The following VSTM2A variants were observed in gnomAD, a reference collection of about 807,000 sequenced individuals.
VSTM2A encodes the protein V-set and transmembrane domain-containing protein 2A.
VSTM2A carries 13 observed loss-of-function variants against 27.3 expected under a neutral mutation model. That is an observed-to-expected ratio of 0.48 (90% CI 0.31 to 0.76). The LOEUF is 0.76. Ranked by LOEUF, VSTM2A falls within the 30% of genes least tolerant of loss-of-function variation. The probability of loss-of-function intolerance (pLI) is 0.05; values close to 1 mark genes in which losing one functional copy is unlikely to be tolerated. For synonymous variants in VSTM2A, 142 were observed against 125.7 expected (o/e 1.13, Z -0.87); for missense variants, 280 against 310.0 (o/e 0.90, Z 0.73).
chr7:54,543,908 T>C (rs1485083736), intron 1 of VSTM2A, among the ~76,000 whole-genome samples: 2 of 152,192 alleles, frequency 1.3e-5, no homozygotes, highest in Non-Finnish European at 2.9e-5. Flanking sequence ...AGTGTCAAGG[T>C]TGGTAATGAA....
Position 54,544,776 on chromosome 7 carries a change from G to A in VSTM2A, c.234G>A (p.Gly78=). ...GPEDLDPGAE[G]AGAQVELLPD... ...AGGACCTGGATCCCGGGGCCGAGGGGGCCGGCGCGCAGGTAGCGGAGCCCG... is the reference window on the plus strand; with the variant it reads ...AGGACCTGGATCCCGGGGCCGAGGGAGCCGGCGCGCAGGTAGCGGAGCCCG... The change falls in exon 2 of 5, where the codon GGG becomes GGA. Residue 78 remains glycine, a synonymous_variant. Coordinates refer to ENST00000402613, the MANE Select transcript of VSTM2A (RefSeq NM_001301009.2). 7 of 1,607,936 alleles carry A rather than the reference G, an allele frequency of 4.4e-6. No homozygotes were observed. The highest frequency in any genetic ancestry group is 5.9e-6 in the Non-Finnish European group (7 of 1,177,664).
chr7:54,567,751 A>C (rs1315241634), intron 4 of VSTM2A, among the ~76,000 whole-genome samples: 1 of 150,308 alleles, frequency 6.7e-6, no homozygotes, highest in African/African-American at 2.5e-5. Flanking sequence ...GCATTTAATA[A>C]TTTATTTTTC....
At chr7:54,565,911 C>T (rs898821457) in intron 4 of VSTM2A, among the ~76,000 whole-genome samples, 2 of 152,122 alleles carry the variant, frequency 1.3e-5, no homozygotes, top group Non-Finnish European at 2.9e-5. Flanking sequence ...CCTGATGCAT[C>T]TCTGGGGAGG....
At chr7:54,564,428 C>T (rs1054066240) in intron 4 of VSTM2A, among the ~76,000 whole-genome samples, 16 of 152,210 alleles carry the variant, frequency 1.1e-4, no homozygotes, top group African/African-American at 3.9e-4. Context: ...CCTGAAAATG[C>T]TGAATGTGCC....
In VSTM2A at chr7:54,571,049, A is replaced by G. The variant is rs1788877788; in HGVS notation, c.*1830A>G. ...TTTCAGTTTAATGAGAAAAATTAAT[A>G]AAGGTTTTGATTGCACTATTTTATT... On this transcript the variant is annotated 3_prime_UTR_variant, in exon 5 of 5. Coordinates refer to ENST00000402613, the MANE Select transcript of VSTM2A (RefSeq NM_001301009.2). The G allele has an allele frequency of 6.6e-6, 1 of 152,174 alleles. No individual in the cohort carries two copies. The allele number at this position is 152,174 out of a possible 1,614,324, so 9.4% of individuals were successfully genotyped here. A position where few individuals can be genotyped will look rare whatever the true frequency, so the allele number is the denominator to read the frequency against.
In VSTM2A at chr7:54,542,791, C is replaced by A. The variant is rs1787826173; in HGVS notation, c.61C>A (p.Gln21Lys). The A allele has an allele frequency of 6.2e-7, 1 of 1,613,784 alleles. No individual in the cohort carries two copies. Among genetic ancestry groups the A allele is most frequent in the Non-Finnish European group, 8.5e-7 (1 of 1,179,770 alleles). Residue 21 changes from glutamine (Q) to lysine (K), a missense_variant, in exon 1 of 5, where the codon CAA becomes AAA. By Grantham distance (53) the Gln-to-Lys change is moderately conservative. Coordinates refer to ENST00000402613, the MANE Select transcript of VSTM2A (RefSeq NM_001301009.2). ...TTTCTTTTCCGTTTTATATGTACAA[C>A]AAGGGCTTTCTTCTCAAGGTAAGTC... ...FVFFSVLYVQQGLSSQAKFTE... is the reference protein window; with the variant it reads ...FVFFSVLYVQKGLSSQAKFTE...
intron 2 of VSTM2A, among the ~76,000 whole-genome samples, chr7:54,546,005 G>A (rs1470747207): frequency 2.9e-5 from 3 of 105,172 alleles, no homozygotes; most frequent in Admixed American, 2.0e-4. Flanking sequence ...GGGAAGGGGG[G>A]AGGAAGAGAA....
chr7:54,566,823 G>A (rs924065192), intron 4 of VSTM2A, among the ~76,000 whole-genome samples: 2 of 152,312 alleles, frequency 1.3e-5, no homozygotes, highest in Non-Finnish European at 2.9e-5. Context: ...CTGGCTCTGC[G>A]TGTCTCACAA....
In VSTM2A at chr7:54,544,627, T is replaced by C. The variant is rs1296780576; in HGVS notation, c.85T>C (p.Phe29Leu). The C allele has an allele frequency of 6.2e-7, 1 of 1,612,692 alleles. No individual in the cohort carries two copies. Among genetic ancestry groups the C allele is most frequent in the African/African-American group, 1.3e-5 (1 of 74,886 alleles). The change falls in exon 2 of 5, where the codon TTT becomes CTT. Residue 29 changes from phenylalanine (F) to leucine (L), a missense_variant. Physicochemically the swap from Phe to Leu is conservative, Grantham distance 22. Transcript: ENST00000402613. ...GATGCCTTTCTGTTTTGCAGCAAAA[T>C]TTACCGAGTTTCCGCGGAACGTGAC... is the stretch of plus-strand genomic sequence containing the variant. ...VQQGLSSQAK[F>L]TEFPRNVTAT...
chr7:54,556,381 G>T (rs1161427229), intron 4 of VSTM2A, among the ~76,000 whole-genome samples: 1 of 152,214 alleles, frequency 6.6e-6, no homozygotes, highest in Non-Finnish European at 1.5e-5. Context: ...GCCAAGAGTG[G>T]CCACTTTCAG....
rs887198633 is a variant in VSTM2A, at chr7:54,570,231, ACTGT to A, written c.*1016_*1019del. ...AGTCTCTTGACTGTGAAGAATGTAC[ACTGT>A]CTGGTTTTGACAGCTATTTCTGTAT... On this transcript the variant is annotated 3_prime_UTR_variant, in exon 5 of 5. Coordinates refer to ENST00000402613, the MANE Select transcript of VSTM2A (RefSeq NM_001301009.2). The A allele has an allele frequency of 7.9e-5, 12 of 152,174 alleles. No homozygotes were observed. The highest frequency in any genetic ancestry group is 2.9e-4 in the African/African-American group (12 of 41,454). 9.4% of individuals were successfully genotyped at this position (152,174 alleles called of 1,614,324 possible).
At chr7:54,552,916 C>T (rs1788237571) in intron 4 of VSTM2A, among the ~76,000 whole-genome samples, 1 of 152,176 alleles carries the variant, frequency 6.6e-6, no homozygotes, top group Non-Finnish European at 1.5e-5. Flanking sequence ...ACTTAGTTGA[C>T]TAAATTATTT....
rs763349086 is a variant in VSTM2A, at chr7:54,569,143, C to T, written c.647C>T (p.Ser216Leu). 52 of 1,559,692 alleles carry T rather than the reference C, an allele frequency of 3.3e-5. No homozygotes were observed. The highest frequency in any genetic ancestry group is 3.6e-5 in the Non-Finnish European group (41 of 1,150,660). Residue 216 changes from serine (S) to leucine (L), a missense_variant, in exon 5 of 5, where the codon TCG becomes TTG. Physicochemically the swap from Ser to Leu is moderately radical, Grantham distance 145 (BLOSUM62 -2). Coordinates refer to ENST00000402613, the MANE Select transcript of VSTM2A (RefSeq NM_001301009.2). The part of the protein sequence containing the change: ...KQSPQSAKSK[S>L]PVKSTERTAK... The stretch of plus-strand genomic sequence containing the variant: ...TCTCTTCTTAAAGCAAAGAGCAAAT[C>T]GCCTGTAAAATCTACGGAGCGGACA...
rs182837292 is a variant in VSTM2A at position 54,570,049 on chromosome 7, T to A, written c.*830T>A. The A allele has an allele frequency of 2.0e-5, 3 of 152,340 alleles. No homozygotes were observed. Among genetic ancestry groups the A allele is most frequent in the Admixed American group, 1.3e-4 (2 of 15,300 alleles). 9.4% of individuals were successfully genotyped at this position (152,340 alleles called of 1,614,324 possible). On this transcript the variant is annotated 3_prime_UTR_variant, in exon 5 of 5. Coordinates refer to ENST00000402613, the MANE Select transcript of VSTM2A (RefSeq NM_001301009.2). ...ATTCATTGTTTCACTTCCACAGGTT[T>A]GACAGCTGCAGATGGTCTCTATTGT... is the stretch of plus-strand genomic sequence containing the variant.
chr7:54,542,915 A>C, intron 1 of VSTM2A, 106 bp downstream of exon 1: 4 of 1,053,326 alleles, frequency 3.8e-6, no homozygotes, highest in Non-Finnish European at 4.3e-6. Context: ...AGCAAGTAAC[A>C]GTGGGCTTAG....
rs149609489 is a variant in VSTM2A, at chr7:54,549,941, G to A, written c.405G>A (p.Gly135=). The A allele has an allele frequency of 5.0e-6, 8 of 1,613,642 alleles. No individual in the cohort carries two copies. Among genetic ancestry groups the A allele is most frequent in the Middle Eastern group, 1.6e-4 (1 of 6,084 alleles). The change falls in exon 4 of 5, where the codon GGG becomes GGA. Residue 135 remains glycine (G), a synonymous_variant. Transcript: ENST00000402613. ...GCAGGGTGACTGATGCCAACTACGG[G>A]GAGCTTCAGGAACACAAGGCCCAGG... ...YECRVTDANY[G]ELQEHKAQAY... is the part of the protein sequence containing the mutation.
chr7:54,559,340 A>G (rs1409564922), intron 4 of VSTM2A: 1 of 152,138 alleles, frequency 6.6e-6, no homozygotes, highest in Non-Finnish European at 1.5e-5. Flanking sequence ...ATGAGTTACA[A>G]TGCTATGTTT....
Position 54,546,821 on chromosome 7 carries a change from C to G in VSTM2A, c.247-126C>G, listed in dbSNP as rs1198609264. The G allele has an allele frequency of 3.8e-6, 5 of 1,322,464 alleles. 1 individual carries two copies. In the East Asian group the frequency reaches 1.3e-4, roughly 35 times the overall value. The allele number at this position is 1,322,464 out of a possible 1,614,324, so 81.9% of individuals were successfully genotyped here. ...GGCCTGGACAGGGGTGGCCACGCCCCTGGTCGCTCCCCTGTCCCCAGGTCA... is the reference window on the plus strand; with the variant it reads ...GGCCTGGACAGGGGTGGCCACGCCCGTGGTCGCTCCCCTGTCCCCAGGTCA... On this transcript the variant is annotated intron_variant, in intron 2 of 4. Transcript: ENST00000402613.
rs1188922136 is a variant in VSTM2A at position 54,546,943 on chromosome 7, G to T, written c.247-4G>T. 6.3e-7 allele frequency: 1 copy of T among 1,597,768 alleles called. No homozygotes were observed. Among genetic ancestry groups the T allele is most frequent in the Non-Finnish European group, 8.5e-7 (1 of 1,174,312 alleles). ...GGGACTGAGCGTTCGCTCCTTGCCC[G>T]CAGGTGGAGCTCTTGCCCGACAGAG... On this transcript the variant is annotated splice_region_variant and splice_polypyrimidine_tract_variant and intron_variant, in intron 2 of 4. Transcript: ENST00000402613.
Sources: allele counts gnomAD v4.1 joint callset (sites outside exome capture counted in the v4.1 genomes callset), GRCh38; gene constraint gnomAD v4.1.1; transcripts MANE v1.5; gene names NCBI Gene and HGNC (gene_info 2026-07-23, HGNC 2026-07-21).